DYRK3: variants seen among roughly 807,000 people sequenced by gnomAD.
The protein encoded by DYRK3 is dual specificity tyrosine-phosphorylation-regulated kinase 3.
DYRK3 carries 30 observed loss-of-function variants against 40.8 expected under a neutral mutation model. The observed-to-expected ratio is 0.74, with a 90% CI of 0.55 to 1.00. DYRK3 has a LOEUF of 1.00. Among genes scored for constraint, DYRK3 ranks in the 50% least tolerant of loss-of-function variants. DYRK3 has a pLI of 0.00. For synonymous variants in DYRK3, 272 were observed against 260.7 expected (o/e 1.04, Z -0.42); for missense variants, 699 against 731.5 (o/e 0.96, Z 0.51).
chr1:206,651,827 TA>T lies in DYRK3; in HGVS notation c.*2865del, dbSNP rs1260410499. Among the ~76,000 whole-genome samples, 1 of 152,194 alleles carries T rather than the reference TA, an allele frequency of 6.6e-6. No individual in the cohort carries two copies. Among genetic ancestry groups the T allele is most frequent in the Non-Finnish European group, 1.5e-5 (1 of 68,020 alleles). ...TCTGCATGGGTTTCTCACTGAATAG[TA>T]AATTAGAGAAAATGCTACTTTTACT... On this transcript the variant is annotated 3_prime_UTR_variant, in exon 3 of 3. Coordinates refer to ENST00000367109, the MANE Select transcript of DYRK3 (RefSeq NM_003582.4).
At chr1:206,638,236 G>A (rs1421015241) in intron 2 of DYRK3, among the ~76,000 whole-genome samples, 1 of 145,122 alleles carries the variant, frequency 6.9e-6, no homozygotes, top group Non-Finnish European at 1.5e-5. Flanking sequence ...GGTTTTTAAT[G>A]CACTTAATCA....
At chr1:206,636,273 A>T (rs202194337) in intron 1 of DYRK3, 10 of 264,508 alleles carry the variant, frequency 3.8e-5, no homozygotes, top group South Asian at 3.4e-4. Context: ...ATTTTGAGAG[A>T]TTCCCCACCT....
chr1:206,643,808 G>A (rs1671355274), intron 2 of DYRK3, among the ~76,000 whole-genome samples: 1 of 152,158 alleles, frequency 6.6e-6, no homozygotes, highest in Non-Finnish European at 1.5e-5. Flanking sequence ...CCGCCAGCAA[G>A]AGAAGAGAGA....
At chr1:206,645,354 G>A (rs1182051350) in intron 2 of DYRK3, among the ~76,000 whole-genome samples, 1 of 152,074 alleles carries the variant, frequency 6.6e-6, no homozygotes, top group Admixed American at 6.5e-5. Context: ...TTATCAAACA[G>A]ATAAAGGACA....
intron 2 of DYRK3, among the ~76,000 whole-genome samples, chr1:206,643,265 A>G (rs906130516): frequency 6.6e-6 from 1 of 152,138 alleles, no homozygotes; most frequent in Non-Finnish European, 1.5e-5. Flanking sequence ...GGCAAGGTAC[A>G]ACTTATTTTG....
At position 206,651,701 on chromosome 1, in the gene DYRK3, T is replaced by TG. The variant is rs1315366404; in HGVS notation, c.*2737dup. Among the ~76,000 whole-genome samples the TG allele has an allele frequency of 6.6e-6, 1 of 152,220 alleles. No homozygotes were observed. Among genetic ancestry groups the TG allele is most frequent in the Non-Finnish European group, 1.5e-5 (1 of 68,042 alleles). On this transcript the variant is annotated 3_prime_UTR_variant, in exon 3 of 3. Coordinates refer to ENST00000367109, the MANE Select transcript of DYRK3 (RefSeq NM_003582.4). ...ACTGCTAGCCAGGTAGATGTTTCCT[T>TG]GAAGTCCAGAGCAGGATCCAAGTCA...
rs1671715066 is a variant in DYRK3, at chr1:206,654,914, A to G, written c.*5949A>G. On this transcript the variant is annotated 3_prime_UTR_variant, in exon 3 of 3. Coordinates refer to ENST00000367109, the MANE Select transcript of DYRK3 (RefSeq NM_003582.4). ...AGAGTCTCACATCTTCTGCCACCAC[A>G]TGAATAGACTAAAAAGAAAGGAGAG... Among the ~76,000 whole-genome samples the G allele has an allele frequency of 6.6e-6, 1 of 152,176 alleles. No individual in the cohort carries two copies. The highest frequency in any genetic ancestry group is 2.4e-5 in the African/African-American group (1 of 41,442).
rs782131237 is a variant in DYRK3 at position 206,648,606 on chromosome 1, C to T, written c.1408C>T (p.Arg470Cys). 5.0e-6 allele frequency: 8 copies of T among 1,613,860 alleles called. No individual in the cohort carries two copies. Among genetic ancestry groups the T allele is most frequent in the African/African-American group, 1.3e-5 (1 of 75,010 alleles). The change falls in exon 3 of 3, where the codon CGT becomes TGT. Residue 470 changes from arginine to cysteine, a missense_variant. Arg to Cys is a radical substitution (Grantham distance 180, BLOSUM62 -3). Coordinates refer to ENST00000367109, the MANE Select transcript of DYRK3 (RefSeq NM_003582.4). The part of the protein sequence containing the change: ...GRVVLVGGRS[R>C]RGKKRGPPGS... ...GGTTGTGCTTGTGGGGGGTCGCTCA[C>T]GTAGGGGTAAAAAGCGGGGTCCCCC... is the stretch of plus-strand genomic sequence containing the variant.
At chr1:206,636,868 C>T in intron 1 of DYRK3, 1 of 1,592,216 alleles carries the variant, frequency 6.3e-7, no homozygotes, top group Non-Finnish European at 8.6e-7. Flanking sequence ...TTTGTGTTCC[C>T]TTACAGTGGT....
chr1:206,640,675 C>T (rs1235497096), intron 2 of DYRK3, among the ~76,000 whole-genome samples: 1 of 151,794 alleles, frequency 6.6e-6, no homozygotes, highest in Non-Finnish European at 1.5e-5. Flanking sequence ...CTCAGCCTCC[C>T]GAGTAGCTGG....
In DYRK3 at chr1:206,648,993, A is replaced by G. The variant is rs781821673; in HGVS notation, c.*28A>G. On this transcript the variant is annotated 3_prime_UTR_variant, in exon 3 of 3. Coordinates refer to ENST00000367109, the MANE Select transcript of DYRK3 (RefSeq NM_003582.4). The stretch of plus-strand genomic sequence containing the variant: ...GACAGAGATATGCCCAGAGATGCAT[A>G]TGTGTATATTTTTATGATCTTACAA... The G allele has an allele frequency of 1.5e-5, 23 of 1,558,366 alleles. No homozygotes were observed. The highest frequency in any genetic ancestry group is 5.5e-5 in the Admixed American group (3 of 54,230).
chr1:206,645,414 A>G (rs1336660347), intron 2 of DYRK3, among the ~76,000 whole-genome samples: 5 of 65,048 alleles, frequency 7.7e-5, no homozygotes, highest in Non-Finnish European at 2.1e-4. Flanking sequence ...TAAGTATCCT[A>G]GACTTCCTTT....
chr1:206,641,906 A>G (rs1572444391), intron 2 of DYRK3, among the ~76,000 whole-genome samples: 1 of 150,914 alleles, frequency 6.6e-6, no homozygotes, highest in African/African-American at 2.5e-5. Context: ...TGCAACGGCA[A>G]CAAAAGCCAA....
chr1:206,648,255 G>A lies in DYRK3; in HGVS notation c.1057G>A (p.Val353Ile). 1.2e-6 allele frequency: 2 copies of A among 1,614,090 alleles called. No individual in the cohort carries two copies. Among genetic ancestry groups the A allele is most frequent in the Non-Finnish European group, 1.7e-6 (2 of 1,180,018 alleles). ...LKHHGRSSTK[V>I]IDFGSSCFEY... ...ACACCACGGGCGCAGTTCAACCAAG[G>A]TCATTGACTTTGGGTCCAGCTGTTT... is the stretch of plus-strand genomic sequence containing the variant. The change falls in exon 3 of 3, where the codon GTC becomes ATC. Residue 353 changes from valine to isoleucine, a missense_variant. Coordinates refer to ENST00000367109, the MANE Select transcript of DYRK3 (RefSeq NM_003582.4).
At chr1:206,636,023 C>T (rs1381855906) in intron 1 of DYRK3, 16 of 1,441,748 alleles carry the variant, frequency 1.1e-5, no homozygotes, top group Non-Finnish European at 1.2e-5. Flanking sequence ...GAATTTCCAC[C>T]CCTGGATTCC....
chr1:206,636,140 G>T (rs1553418292), intron 1 of DYRK3: 1 of 1,164,780 alleles, frequency 8.6e-7, no homozygotes, highest in Non-Finnish European at 1.2e-6. Context: ...ACCTTGGAAA[G>T]AAGCCCTGTT....
intron 1 of DYRK3, among the ~76,000 whole-genome samples, chr1:206,637,280 A>G (rs1456336827): frequency 2.0e-5 from 3 of 152,132 alleles, no homozygotes; most frequent in Admixed American, 6.5e-5. Flanking sequence ...GACTTGAGAA[A>G]CTATTACCTC....
Position 206,647,900 on chromosome 1 carries a change from C to T in DYRK3, c.702C>T (p.Tyr234=), listed in dbSNP as rs202111591. 2.2e-5 allele frequency: 36 copies of T among 1,614,016 alleles called. No individual in the cohort carries two copies. Among genetic ancestry groups the T allele is most frequent in the Non-Finnish European group, 2.3e-5 (27 of 1,180,022 alleles). ...ARVYDHKLRQ[Y]VALKMVRNEK... is the part of the protein sequence containing the mutation. ...TCTATGATCACAAACTTCGACAGTA[C>T]GTGGCCCTAAAAATGGTGCGCAATG... The change falls in exon 3 of 3, where the codon TAC becomes TAT. Residue 234 remains tyrosine (Y), a synonymous_variant. Transcript: ENST00000367109.
In DYRK3 at chr1:206,652,472, A is replaced by G. The variant is rs530379559; in HGVS notation, c.*3507A>G. ...AAGGTTACTGAAACTGGGCTAAGGGAAAGTGTATAGACAACTCATTACACT... is the reference window on the plus strand; with the variant it reads ...AAGGTTACTGAAACTGGGCTAAGGGGAAGTGTATAGACAACTCATTACACT... On this transcript the variant is annotated 3_prime_UTR_variant, in exon 3 of 3. Coordinates refer to ENST00000367109, the MANE Select transcript of DYRK3 (RefSeq NM_003582.4). Among the ~76,000 whole-genome samples, 3 of 152,320 alleles carry G rather than the reference A, an allele frequency of 2.0e-5. No individual in the cohort carries two copies. The highest frequency in any genetic ancestry group is 7.2e-5 in the African/African-American group (3 of 41,564).
Sources: allele counts gnomAD v4.1 joint callset (sites outside exome capture counted in the v4.1 genomes callset), GRCh38; gene constraint gnomAD v4.1.1; transcripts MANE v1.5; gene names NCBI Gene and HGNC (gene_info 2026-07-23, HGNC 2026-07-21).